CNBD2: variants seen among roughly 807,000 people sequenced by gnomAD.
The protein encoded by CNBD2 is cyclic nucleotide-binding domain-containing protein 2.
CNBD2 carries 64 observed loss-of-function variants against 63.7 expected under a neutral mutation model. The observed-to-expected ratio is 1.00, with a 90% CI of 0.82 to 1.24. The LOEUF is 1.24. CNBD2 is among the 50% of genes most tolerant of loss of function. The pLI is 0.00. For missense variants in CNBD2, 691 were observed against 713.5 expected (o/e 0.97, Z 0.36); for synonymous variants, 229 against 255.4 (o/e 0.90, Z 0.99).
At chr20:36,025,024 G>T (rs2057266813) in intron 11 of CNBD2, among the ~76,000 whole-genome samples, 1 of 152,186 alleles carries the variant, frequency 6.6e-6, no homozygotes, top group African/African-American at 2.4e-5. Flanking sequence ...ATTGATGTGT[G>T]CCACACTAAG....
intron 9 of CNBD2, among the ~76,000 whole-genome samples, chr20:36,009,196 GTCTC>G (rs1386571348): frequency 2.0e-5 from 3 of 150,510 alleles, no homozygotes; most frequent in Admixed American, 6.6e-5. Context: ...GCAAGATCTT[GTCTC>G]TCTCTTTTTT....
At chr20:35,954,799 T>C (rs6060715) in exon 1 of CNBD2, 21 of 364,222 alleles carry the variant, frequency 5.8e-5, no homozygotes, top group African/African-American at 4.4e-4. Flanking sequence ...CCTGATGAGC[T>C]GTAGCTCTGA....
rs775259968 is a variant in CNBD2, at chr20:35,972,669, G to C, written c.92G>C (p.Arg31Pro). Reference sequence around the variant, plus strand: ...GCCATGGATATCATCATAATGATCCGAGTGTGTAAAATGTTCCGCCAAGGC... The same window carrying C: ...GCCATGGATATCATCATAATGATCCCAGTGTGTAAAATGTTCCGCCAAGGC... ...QLAMDIIIMIRVCKMFRQGLR... is the reference protein window; with the variant it reads ...QLAMDIIIMIPVCKMFRQGLR... The change falls in exon 2 of 12, where the codon CGA becomes CCA. Residue 31 changes from arginine to proline, a missense_variant. Transcript: ENST00000373973. The C allele has an allele frequency of 1.9e-6, 3 of 1,613,856 alleles. No homozygotes were observed. In the Admixed American group the frequency reaches 5.0e-5, roughly 27 times the overall value.
chr20:35,996,559 G>A (rs1428113085), intron 8 of CNBD2, among the ~76,000 whole-genome samples: 2 of 148,900 alleles, frequency 1.3e-5, no homozygotes, highest in Admixed American at 1.3e-4. Context: ...CCAGGCTGGA[G>A]TGCAGTGGTG....
At chr20:35,975,580 G>A (rs540202060) in intron 2 of CNBD2, among the ~76,000 whole-genome samples, 8 of 152,152 alleles carry the variant, frequency 5.3e-5, no homozygotes, top group Admixed American at 2.6e-4. Flanking sequence ...GATTACAGGC[G>A]TGAGCCACCG....
intron 2 of CNBD2, chr20:35,973,355 T>C (rs1348907820): frequency 6.5e-6 from 1 of 152,942 alleles, no homozygotes; most frequent in Admixed American, 6.5e-5. Context: ...CTTTCTTTCC[T>C]ACACCCCTAC....
At chr20:36,028,974 C>T (rs953455314) in intron 11 of CNBD2, among the ~76,000 whole-genome samples, 3 of 152,172 alleles carry the variant, frequency 2.0e-5, no homozygotes, top group African/African-American at 7.2e-5. Context: ...CGCACCCAGC[C>T]ATGGGTTGAT....
At chr20:35,986,244 C>T (rs961198679) in intron 6 of CNBD2, among the ~76,000 whole-genome samples, 6 of 152,026 alleles carry the variant, frequency 3.9e-5, no homozygotes, top group Non-Finnish European at 7.4e-5. Context: ...GTGTGATGGC[C>T]GAGGGGTCTG....
In CNBD2 at chr20:35,977,674, T is replaced by TC. The variant is rs1441787827; in HGVS notation, c.243+1677dup. ...GTCTGGGTGACAGAGTGAGACCCTGTCCCCCTGCCCCCAACCCATCCCAAA... is the reference window on the plus strand; with the variant it reads ...GTCTGGGTGACAGAGTGAGACCCTGTCCCCCCTGCCCCCAACCCATCCCAAA... On this transcript the variant is annotated intron_variant, in intron 3 of 11. Coordinates refer to ENST00000373973, the MANE Select transcript of CNBD2 (RefSeq NM_001365709.1). Among the ~76,000 whole-genome samples the TC allele has an allele frequency of 7.2e-5, 11 of 152,148 alleles. No homozygotes were observed. The South Asian group carries it at 1.7e-3, about 23-fold the overall frequency.
intron 7 of CNBD2, among the ~76,000 whole-genome samples, chr20:35,990,550 C>T (rs187138171): frequency 8.0e-4 from 122 of 152,136 alleles, no homozygotes; most frequent in African/African-American, 2.8e-3. Flanking sequence ...ATTGCTTGAA[C>T]CTAGGAGGTG....
intron 8 of CNBD2, among the ~76,000 whole-genome samples, chr20:35,998,231 G>A (rs932977919): frequency 1.3e-5 from 2 of 151,628 alleles, no homozygotes; most frequent in African/African-American, 4.8e-5. Context: ...AGTAGAGATG[G>A]GGTTTCAGCA....
Position 35,975,854 on chromosome 20 carries a change from C to T in CNBD2, c.190-95C>T, listed in dbSNP as rs2056509520. ...GAGGTTTCCCATGGCTTCCTGCCCA[C>T]CATGGTGGTCCAGGTAGACAGGAGG... On this transcript the variant is annotated intron_variant, in intron 2 of 11. Transcript: ENST00000373973. The T allele has an allele frequency of 9.5e-6, 11 of 1,158,310 alleles. No individual in the cohort carries two copies. In the South Asian group the frequency reaches 1.5e-4, roughly 15 times the overall value. The allele number at this position is 1,158,310 out of a possible 1,614,324, so 71.8% of individuals were successfully genotyped here. A position where few individuals can be genotyped will look rare whatever the true frequency, so the allele number is the denominator to read the frequency against.
At position 35,971,040 on chromosome 20, in the gene CNBD2, C is replaced by T. The variant is rs1039900339; in HGVS notation, c.52-1589C>T. 3.8e-4 allele frequency among the ~76,000 whole-genome samples: 57 copies of T among 148,420 alleles called. No individual in the cohort carries two copies. The East Asian group carries it at 4.8e-3, about 13-fold the overall frequency. On this transcript the variant is annotated intron_variant, in intron 1 of 11. Transcript: ENST00000373973. The stretch of plus-strand genomic sequence containing the variant: ...TCGGCTCACTGCAAGCTCCGCCTCC[C>T]GGGTTCACGCCATTCTCCTGCCTCA...
In CNBD2 at chr20:35,962,703, T is replaced by C. The variant is rs73287622; in HGVS notation, c.228+4929T>C. On this transcript the variant is annotated intron_variant, in intron 2 of 4. Transcript: ENST00000622112. ...TTAGCTATGTTAACATAATGAATTA[T>C]GTTTATATAATTAACCATCTTTGCA... Among the ~76,000 whole-genome samples, 1,460 of 152,346 alleles carry C rather than the reference T, an allele frequency of 9.6e-3. 16 individuals are homozygous for C. Among genetic ancestry groups the C allele is most frequent in the African/African-American group, 0.032 (1,348 of 41,564 alleles).
intron 8 of CNBD2, among the ~76,000 whole-genome samples, chr20:36,005,252 C>T (rs555871091): frequency 3.9e-5 from 6 of 152,314 alleles, no homozygotes; most frequent in Admixed American, 3.9e-4. Context: ...GGTGGTAACG[C>T]TTTTGGAATG....
chr20:35,967,094 C>T (rs141932436), upstream of CNBD2, among the ~76,000 whole-genome samples: 890 of 152,190 alleles, frequency 5.8e-3, 12 homozygotes, highest in African/African-American at 0.02. Flanking sequence ...GAGAGTATCT[C>T]GAGACAAGGC....
intron 4 of CNBD2, among the ~76,000 whole-genome samples, chr20:35,982,298 A>G (rs2056608498): frequency 6.6e-6 from 1 of 151,960 alleles, no homozygotes; most frequent in Middle Eastern, 3.4e-3. Context: ...ACTTTTTTTT[A>G]CCCATTGTCT....
At chr20:36,018,780 G>A (rs1243906180) in intron 10 of CNBD2, among the ~76,000 whole-genome samples, 1 of 152,220 alleles carries the variant, frequency 6.6e-6, no homozygotes, top group Non-Finnish European at 1.5e-5. Context: ...AGAGCCATGG[G>A]CAGCGCAGAA....
upstream of CNBD2, chr20:35,954,668 TC>T: frequency 8.1e-7 from 1 of 1,233,882 alleles, no homozygotes; most frequent in Non-Finnish European, 1.0e-6. Context: ...GAGCGCCAGT[TC>T]GAGGAGGAGT....
Sources: allele counts gnomAD v4.1 joint callset (sites outside exome capture counted in the v4.1 genomes callset), GRCh38; gene constraint gnomAD v4.1.1; transcripts MANE v1.5; gene names NCBI Gene and HGNC (gene_info 2026-07-23, HGNC 2026-07-21).